GRIN2B: variants seen among roughly 807,000 people sequenced by gnomAD.
GRIN2B encodes the protein glutamate ionotropic receptor NMDA type subunit 2B, also known as glutamate receptor ionotropic, NMDA 2B.
GRIN2B carries 5 observed loss-of-function variants against 114.5 expected under a neutral mutation model. That is an observed-to-expected ratio of 0.04 (90% CI 0.02 to 0.09). The LOEUF (loss-of-function observed/expected upper bound fraction) is 0.09, where lower values mean the gene tolerates loss of function less well. Among genes scored for constraint, GRIN2B ranks in the 10% least tolerant of loss-of-function variants. GRIN2B has a pLI of 1.00. For synonymous variants in GRIN2B, 787 were observed against 745.1 expected (o/e 1.06, Z -0.92); for missense variants, 1,108 against 1,943.5 (o/e 0.57, Z 8.08).
At chr12:13,708,443 T>C (rs1036202119) in intron 4 of GRIN2B, among the ~76,000 whole-genome samples, 22 of 152,094 alleles carry the variant, frequency 1.4e-4, no homozygotes, top group African/African-American at 5.1e-4. Flanking sequence ...ATAGAGAAGA[T>C]GTAATTAAAA....
chr12:13,601,328 T>C (rs1949156664), intron 10 of GRIN2B, among the ~76,000 whole-genome samples: 1 of 152,202 alleles, frequency 6.6e-6, no homozygotes, highest in African/African-American at 2.4e-5. Flanking sequence ...CATGTCTTCC[T>C]GTGGCTGCAT....
In GRIN2B at chr12:13,883,869, A is replaced by G. The variant is rs183236766; in HGVS notation, c.-18-17643T>C. On this transcript the variant is annotated intron_variant, in intron 2 of 13. Transcript: ENST00000609686. ...GAAAGTCTTTGCCTAAACAAAGGATATAAAGATTTTCTCCTGTTTTCCTCT... is the reference window on the plus strand; with the variant it reads ...GAAAGTCTTTGCCTAAACAAAGGATGTAAAGATTTTCTCCTGTTTTCCTCT... 2.4e-3 allele frequency among the ~76,000 whole-genome samples: 362 copies of G among 152,280 alleles called. 4 individuals carry two copies. The highest frequency in any genetic ancestry group is 1.1e-3 in the Non-Finnish European group (74 of 68,012).
At chr12:13,869,241 C>CTTTTTTTTTT (rs377460231) in intron 2 of GRIN2B, among the ~76,000 whole-genome samples, 130 of 127,152 alleles carry the variant, frequency 1.0e-3, no homozygotes, top group Non-Finnish European at 1.3e-3. Context: ...CTTTTTTTTT[C>CTTTTTTTTTT]TTTTTTTTTT....
At chr12:13,600,072 A>G (rs1278262468) in intron 10 of GRIN2B, among the ~76,000 whole-genome samples, 1 of 152,220 alleles carries the variant, frequency 6.6e-6, no homozygotes, top group Non-Finnish European at 1.5e-5. Context: ...GCTAGTTTGC[A>G]TAGTTGCATT....
chr12:13,607,212 AATAT>A (rs1161585185), intron 10 of GRIN2B, among the ~76,000 whole-genome samples: 1 of 105,942 alleles, frequency 9.4e-6, no homozygotes. Flanking sequence ...TAATATATAA[AATAT>A]ATATAAAATA....
chr12:13,637,839 T>A (rs1014769241), intron 5 of GRIN2B, among the ~76,000 whole-genome samples: 3 of 152,142 alleles, frequency 2.0e-5, no homozygotes, highest in African/African-American at 7.2e-5. Flanking sequence ...CTACTTTGTG[T>A]ACCATATAAA....
chr12:13,966,711 G>A (rs896116414), intron 2 of GRIN2B, among the ~76,000 whole-genome samples: 3 of 152,178 alleles, frequency 2.0e-5, no homozygotes, highest in Non-Finnish European at 2.9e-5. Context: ...TACCTAGTGG[G>A]TTGGAAACAG....
chr12:13,628,440 G>A (rs1436838162), intron 5 of GRIN2B, among the ~76,000 whole-genome samples: 1 of 152,148 alleles, frequency 6.6e-6, no homozygotes, highest in Non-Finnish European at 1.5e-5. Context: ...AATTTCAAGT[G>A]TTTTCAATAT....
chr12:13,713,328 T>C (rs1277661232), intron 4 of GRIN2B, among the ~76,000 whole-genome samples: 1 of 151,822 alleles, frequency 6.6e-6, no homozygotes, highest in Non-Finnish European at 1.5e-5. Flanking sequence ...TTAGCCCTAA[T>C]AATTTTAGCA....
intron 4 of GRIN2B, among the ~76,000 whole-genome samples, chr12:13,750,066 G>A (rs1863455230): frequency 6.6e-6 from 1 of 152,196 alleles, no homozygotes. Flanking sequence ...TGCTTTAGTG[G>A]AGAAGTAGGT....
chr12:13,586,591 C>G (rs1025564882), intron 10 of GRIN2B, among the ~76,000 whole-genome samples: 2 of 152,104 alleles, frequency 1.3e-5, no homozygotes, highest in Non-Finnish European at 2.9e-5. Context: ...AAGTCATTGC[C>G]AAATAGGTCC....
chr12:13,669,162 T>A (rs968441081), intron 5 of GRIN2B, among the ~76,000 whole-genome samples: 1 of 152,032 alleles, frequency 6.6e-6, no homozygotes. Flanking sequence ...ACAGTTCCAG[T>A]ACTCAACACT....
chr12:13,743,131 G>T (rs907507496), intron 4 of GRIN2B, among the ~76,000 whole-genome samples: 3 of 152,164 alleles, frequency 2.0e-5, no homozygotes, highest in Admixed American at 2.0e-4. Context: ...TAACCCAACT[G>T]CCCACAAGCT....
chr12:13,676,267 T>C (rs1046071613), intron 4 of GRIN2B, among the ~76,000 whole-genome samples: 3 of 152,052 alleles, frequency 2.0e-5, no homozygotes, highest in African/African-American at 7.2e-5. Context: ...GATGGGTTGA[T>C]AGGTGCAGCA....
intron 4 of GRIN2B, among the ~76,000 whole-genome samples, chr12:13,707,819 A>T (rs1307889152): frequency 3.3e-5 from 5 of 152,124 alleles, no homozygotes; most frequent in Admixed American, 2.0e-4. Context: ...ATGCCTGAAA[A>T]GAAGGAATGA....
chr12:13,643,071 T>C (rs1949734657), intron 5 of GRIN2B, among the ~76,000 whole-genome samples: 1 of 152,190 alleles, frequency 6.6e-6, no homozygotes. Flanking sequence ...ATCAACTTAG[T>C]CTGTGAAGAC....
chr12:13,565,063 A>G (rs980914801), intron 13 of GRIN2B, among the ~76,000 whole-genome samples: 1 of 152,256 alleles, frequency 6.6e-6, no homozygotes, highest in Non-Finnish European at 1.5e-5. Context: ...TTCTATGGAC[A>G]CTGAGGTTGC....
chr12:13,635,383 T>C (rs998514615), intron 5 of GRIN2B, among the ~76,000 whole-genome samples: 3 of 152,158 alleles, frequency 2.0e-5, no homozygotes, highest in African/African-American at 4.8e-5. Context: ...TGGATACTTA[T>C]CTCATTTCTC....
At chr12:13,965,554 A>AC (rs1416454331) in intron 2 of GRIN2B, among the ~76,000 whole-genome samples, 1 of 48,954 alleles carries the variant, frequency 2.0e-5, no homozygotes, top group Non-Finnish European at 6.5e-5. Context: ...TCCAGATTAC[A>AC]CACCACACAC....
Sources: gnomAD v4.1 joint callset for allele counts (sites outside exome capture counted in the v4.1 genomes callset) on GRCh38, gnomAD v4.1.1 for gene constraint, MANE v1.5 for transcripts, NCBI Gene and HGNC (gene_info 2026-07-23, HGNC 2026-07-21) for gene names.